CSPP1: variants seen among roughly 807,000 people sequenced by gnomAD.
CSPP1 encodes centrosome and spindle pole-associated protein 1.
In CSPP1, 126 loss-of-function variants were observed where a neutral mutation model predicts 164.4. The ratio of observed to expected loss-of-function variants is 0.77; its 90% CI spans 0.66 to 0.89. The LOEUF (loss-of-function observed/expected upper bound fraction) is 0.89. Among genes scored for constraint, CSPP1 ranks in the 40% least tolerant of loss-of-function variants. CSPP1 has a pLI of 0.00. For missense variants in CSPP1, 1,395 were observed against 1,449.8 expected (o/e 0.96, Z 0.61); for synonymous variants, 472 against 476.7 (o/e 0.99, Z 0.13).
rs148190281 is a variant in CSPP1, at chr8:67,160,034, T to C, written c.2538+897T>C. Among the ~76,000 whole-genome samples, 922 of 106,240 alleles carry C rather than the reference T, an allele frequency of 8.7e-3. 18 individuals carry two copies. The highest frequency in any genetic ancestry group is 0.023 in the Middle Eastern group (6 of 256). The allele number at this position is 106,240 out of a possible 152,430, so 69.7% of individuals were successfully genotyped here. On this transcript the variant is annotated intron_variant, in intron 21 of 30. Transcript: ENST00000678616. ...TTCTTTTCTTTTCTTTTCTTTTCTT[T>C]TTCTTTTTCTTTTTCTTTCTTTTTG...
chr8:67,148,309 T>C (rs1825022080), intron 17 of CSPP1, among the ~76,000 whole-genome samples: 2 of 152,202 alleles, frequency 1.3e-5, no homozygotes, highest in Non-Finnish European at 2.9e-5. Flanking sequence ...ACATGTGTTT[T>C]AGGATATTGA....
At chr8:67,118,877 A>G in intron 15 of CSPP1, 56 bp downstream of exon 15, 1 of 1,191,666 alleles carries the variant, frequency 8.4e-7, no homozygotes, top group South Asian at 1.2e-5. Flanking sequence ...GTTAAGATAC[A>G]CATAACCTAA....
At position 67,158,532 on chromosome 8, in the gene CSPP1, A is replaced by C. The variant is rs750350904; in HGVS notation, c.2327A>C (p.Gln776Pro). The C allele has an allele frequency of 6.2e-7, 1 of 1,612,684 alleles. No individual in the cohort carries two copies. Among genetic ancestry groups the C allele is most frequent in the Non-Finnish European group, 8.5e-7 (1 of 1,179,034 alleles). ...EEKEERRLAEQRARIQQEYEE... is the reference protein window; with the variant it reads ...EEKEERRLAEPRARIQQEYEE... ...AAAGAAGAAAGACGGCTTGCAGAACAGAGGGCACGAATTCAGCAGGAGTAT... is the reference window on the plus strand; with the variant it reads ...AAAGAAGAAAGACGGCTTGCAGAACCGAGGGCACGAATTCAGCAGGAGTAT... The change falls in exon 20 of 31, where the codon CAG becomes CCG. Residue 776 changes from glutamine to proline, a missense_variant. By Grantham distance (76) the Gln-to-Pro change is moderately conservative (BLOSUM62 -1). Transcript: ENST00000678616.
chr8:67,184,509 G>A (rs1341177152), intron 28 of CSPP1, among the ~76,000 whole-genome samples: 6 of 151,678 alleles, frequency 4.0e-5, no homozygotes, highest in Admixed American at 3.3e-4. Flanking sequence ...AGGCTGAGGT[G>A]GGCGGATCAC....
intron 24 of CSPP1, among the ~76,000 whole-genome samples, chr8:67,165,405 A>G (rs751259246): frequency 4.6e-5 from 7 of 152,232 alleles, no homozygotes; most frequent in African/African-American, 1.7e-4. Flanking sequence ...ACATTAGAAC[A>G]TTACTATGAA....
chr8:67,172,475 C>G lies in CSPP1; in HGVS notation c.2888C>G (p.Pro963Arg), dbSNP rs781283590. ...ATGGCTAGACATCGGTTGCAAGCTC[C>G]TGTCAGAAGACAGTCCCCTAAGGGC... ...FDMARHRLQA[P>R]VRRQSPKGLD... Residue 963 changes from proline (P) to arginine (R), a missense_variant, in exon 25 of 31, where the codon CCT becomes CGT. Physicochemically the swap from Pro to Arg is moderately radical, Grantham distance 103. Coordinates refer to ENST00000678616, the MANE Select transcript of CSPP1 (RefSeq NM_001382391.1). 4 of 1,613,336 alleles carry G rather than the reference C, an allele frequency of 2.5e-6. No individual in the cohort carries two copies. The highest frequency in any genetic ancestry group is 3.4e-6 in the Non-Finnish European group (4 of 1,179,308).
At chr8:67,144,095 G>A (rs1389160388) in intron 17 of CSPP1, among the ~76,000 whole-genome samples, 1 of 152,094 alleles carries the variant, frequency 6.6e-6, no homozygotes, top group Non-Finnish European at 1.5e-5. Context: ...ATCCCATTGA[G>A]GATGTTCTAT....
chr8:67,177,531 A>G, intron 26 of CSPP1, 149 bp from the exon 27 acceptor site: 1 of 577,794 alleles, frequency 1.7e-6, no homozygotes, highest in Non-Finnish European at 3.1e-6. Flanking sequence ...ATGTTTTTTA[A>G]TAAGTGATAT....
At chr8:67,074,114 C>G in intron 1 of CSPP1, 129 bp from the exon 2 acceptor site, 1 of 550,368 alleles carries the variant, frequency 1.8e-6, no homozygotes, top group Non-Finnish European at 3.3e-6. Flanking sequence ...TATTTATGAT[C>G]AATCTTAAGT....
intron 24 of CSPP1, among the ~76,000 whole-genome samples, 176 bp downstream of exon 24, chr8:67,164,684 A>C (rs140228345): frequency 6.6e-6 from 1 of 152,210 alleles, no homozygotes; most frequent in South Asian, 2.1e-4. Context: ...AAGGGGATTC[A>C]TGTAGGAATG....
chr8:67,116,322 T>C (rs1293319050), intron 13 of CSPP1, among the ~76,000 whole-genome samples, 200 bp downstream of exon 13: 1 of 152,250 alleles, frequency 6.6e-6, no homozygotes, highest in Non-Finnish European at 1.5e-5. Context: ...TTTTATTGTT[T>C]AAAGATGATT....
At position 67,190,692 on chromosome 8, in the gene CSPP1, TC is replaced by T. The variant is rs1452342471; in HGVS notation, c.3266del (p.Pro1089LeufsTer20). ...ETYPAIEDDVLPPPSQLPSAR... is the reference protein window; with the variant it reads ...ETYPAIEDDVXPPPSQLPSAR... ...TATCCTGCCATTGAAGATGACGTCC[TC>T]CCTCCACCATCACAGTTGCCCTCTG... On this transcript the variant is annotated frameshift_variant, in exon 29 of 31. Transcript: ENST00000678616. LOFTEE classifies it high-confidence loss of function. 3 of 1,614,122 alleles carry T rather than the reference TC, an allele frequency of 1.9e-6. No homozygotes were observed. In the Admixed American group the frequency reaches 5.0e-5, roughly 27 times the overall value.
intron 14 of CSPP1, 56 bp downstream of exon 14, chr8:67,118,425 G>T (rs927840781): frequency 3.2e-5 from 50 of 1,576,152 alleles, no homozygotes; most frequent in Middle Eastern, 1.7e-4. Flanking sequence ...AAGGAAAATT[G>T]TTTTTTTGTG....
chr8:67,096,673 T>C (rs574100365), intron 7 of CSPP1, among the ~76,000 whole-genome samples: 1 of 151,622 alleles, frequency 6.6e-6, no homozygotes, highest in South Asian at 2.1e-4. Context: ...GAGACCAAAC[T>C]GACCAACATG....
chr8:67,066,554 AG>A (rs1323774547), intron 1 of CSPP1, among the ~76,000 whole-genome samples: 1 of 152,012 alleles, frequency 6.6e-6, no homozygotes, highest in Non-Finnish European at 1.5e-5. Flanking sequence ...AAACACTGCT[AG>A]ATCTTTATTT....
chr8:67,109,990 T>C (rs1406503582), intron 9 of CSPP1, among the ~76,000 whole-genome samples: 3 of 152,042 alleles, frequency 2.0e-5, no homozygotes, highest in Non-Finnish European at 4.4e-5. Context: ...CTTGTCTTGT[T>C]TGTATAACTG....
chr8:67,175,262 T>A (rs771283905), intron 25 of CSPP1, 34 bp from the exon 26 acceptor site: 4 of 1,521,778 alleles, frequency 2.6e-6, no homozygotes, highest in Non-Finnish European at 3.6e-6. Context: ...AAAACAACAT[T>A]TAACTTAGTT....
rs372803909 is a variant in CSPP1, at chr8:67,090,371, C to T, written c.304-1432C>T. ...GCTGATCTTGGCTTGCTGCAACCTC[C>T]GCTTTTTGGGTTCAGGTGATTCTCC... On this transcript the variant is annotated intron_variant, in intron 4 of 30. Coordinates refer to ENST00000678616, the MANE Select transcript of CSPP1 (RefSeq NM_001382391.1). 4.6e-5 allele frequency among the ~76,000 whole-genome samples: 7 copies of T among 152,186 alleles called. No homozygotes were observed. The South Asian group carries it at 6.2e-4, about 14-fold the overall frequency.
At chr8:67,091,751 T>C (rs1811649074) in intron 4 of CSPP1, 52 bp from the exon 5 acceptor site, 3 of 569,532 alleles carry the variant, frequency 5.3e-6, no homozygotes, top group South Asian at 1.7e-5. Flanking sequence ...TTATGCAACA[T>C]ATTTTATAAA....
Sources: allele counts gnomAD v4.1 joint callset (sites outside exome capture counted in the v4.1 genomes callset), GRCh38; gene constraint gnomAD v4.1.1; transcripts MANE v1.5; gene names NCBI Gene and HGNC (gene_info 2026-07-23, HGNC 2026-07-21).